Variants in BRCA1 observed in about 807,000 individuals in gnomAD.
BRCA1 encodes breast cancer type 1 susceptibility protein.
Under a neutral mutation model 173.7 loss-of-function variants are expected in BRCA1, and 140 were observed. The observed-to-expected ratio is 0.81, with a 90% CI of 0.70 to 0.93. The LOEUF is 0.93. BRCA1 is among the 40% of genes least tolerant of loss of function. The pLI is 0.00. For synonymous variants in BRCA1, 662 were observed against 756.0 expected (o/e 0.88, Z 2.04); for missense variants, 1,983 against 2,172.5 (o/e 0.91, Z 1.73).
intron 6 of BRCA1, among the ~76,000 whole-genome samples, chr17:43,103,238 G>A (rs796775652): frequency 2.0e-4 from 31 of 152,186 alleles, no homozygotes; most frequent in African/African-American, 7.2e-4. Context: ...AGGCCAAGGA[G>A]GGTGGATCAC....
intron 11 of BRCA1, among the ~76,000 whole-genome samples, chr17:43,085,783 T>G (rs1012802955): frequency 3.3e-5 from 5 of 152,208 alleles, no homozygotes; most frequent in African/African-American, 1.2e-4. Flanking sequence ...CAGCCGGAAC[T>G]GGTCTGGAGG....
chr17:43,147,974 C>A (rs1437821367), intron 1 of BRCA1, among the ~76,000 whole-genome samples: 1 of 152,208 alleles, frequency 6.6e-6, no homozygotes, highest in African/African-American at 2.4e-5. Context: ...CAGATGTGTC[C>A]TTGTTAGTTC....
At chr17:43,104,979 A>T (rs2154552831) in intron 4 of BRCA1, 23 bp from the exon 5 acceptor site, 1 of 1,578,550 alleles carries the variant, frequency 6.3e-7, no homozygotes, top group East Asian at 2.2e-5. Flanking sequence ...TGTTTGAGAA[A>T]CACACTCAGC....
intron 1 of BRCA1, among the ~76,000 whole-genome samples, chr17:43,136,044 G>C (rs1207989884): frequency 1.3e-5 from 2 of 152,212 alleles, no homozygotes; most frequent in Non-Finnish European, 2.9e-5. Context: ...TGTAATTCCA[G>C]TACTTTGGGA....
At chr17:43,105,815 C>T (rs1237899717) in intron 4 of BRCA1, among the ~76,000 whole-genome samples, 1 of 152,036 alleles carries the variant, frequency 6.6e-6, no homozygotes, top group Non-Finnish European at 1.5e-5. Context: ...AAGAGATACA[C>T]AATATATAAA....
intron 1 of BRCA1, among the ~76,000 whole-genome samples, chr17:43,146,498 C>T (rs4792979): frequency 0.3 from 45,238 of 150,840 alleles, 7,308 homozygotes; most frequent in South Asian, 0.49. Flanking sequence ...TTAGTAGAGA[C>T]GGGGTTTCAC....
At chr17:43,154,848 CAGGT>C (rs1304321182) in intron 1 of BRCA1, among the ~76,000 whole-genome samples, 3 of 150,720 alleles carry the variant, frequency 2.0e-5, no homozygotes, top group Non-Finnish European at 4.4e-5. Context: ...TAAGGGGAAA[CAGGT>C]AGTGTAATAT....
chr17:43,136,733 A>G (rs957749516), intron 1 of BRCA1, among the ~76,000 whole-genome samples: 2 of 152,218 alleles, frequency 1.3e-5, no homozygotes, highest in African/African-American at 2.4e-5. Context: ...AACCACAATG[A>G]GATACCATCT....
rs1567817738 is a variant in BRCA1 at position 43,115,672 on chromosome 17, T to C, written c.134+54A>G. 5 of 1,556,484 alleles carry C rather than the reference T, an allele frequency of 3.2e-6. No homozygotes were observed. In the East Asian group the frequency reaches 1.1e-4, roughly 35 times the overall value. On this transcript the variant is annotated intron_variant, in intron 3 of 22. Transcript: ENST00000357654. ...ATAAAGTTAGGTGTTTCCTGGGTTATGAAGGACAAAAACAAAAGCTAATAA... is the reference window on the plus strand; with the variant it reads ...ATAAAGTTAGGTGTTTCCTGGGTTACGAAGGACAAAAACAAAAGCTAATAA...
intron 20 of BRCA1, among the ~76,000 whole-genome samples, chr17:43,050,623 A>G (rs1173508643): frequency 6.6e-6 from 1 of 151,646 alleles, no homozygotes; most frequent in East Asian, 1.9e-4. Context: ...AAAAAGAAAA[A>G]AAAAAAGAAA....
At chr17:43,096,386 A>AAAAAAAAAAG (rs2154517336) in intron 8 of BRCA1, among the ~76,000 whole-genome samples, 1 of 150,850 alleles carries the variant, frequency 6.6e-6, no homozygotes, top group East Asian at 1.9e-4. Context: ...CAAAAAAAAA[A>AAAAAAAAAAG]AAAAAAAAGA....
chr17:43,094,680 T>TGTAATGA lies in BRCA1; in HGVS notation c.844_850dup (p.Gln284LeufsTer5), dbSNP rs80357989. The stretch of plus-strand genomic sequence containing the variant: ...GAGTAATAAACTGCTGTTCTCATGC[T>TGTAATGA]GTAATGAGCTGGCATGAGTATTTGT... On this transcript the variant is annotated frameshift_variant, in exon 10 of 23. Transcript: ENST00000357654. LOFTEE classifies it high-confidence loss of function. The TGTAATGA allele has an allele frequency of 6.2e-7, 1 of 1,614,018 alleles. No individual in the cohort carries two copies. The highest frequency in any genetic ancestry group is 8.5e-7 in the Non-Finnish European group (1 of 1,179,914).
intron 11 of BRCA1, among the ~76,000 whole-genome samples, chr17:43,088,015 G>A (rs985368679): frequency 3.9e-5 from 6 of 151,978 alleles, no homozygotes; most frequent in African/African-American, 1.4e-4. Flanking sequence ...CCCTCCCAAA[G>A]TGCTGGGATT....
chr17:43,124,428 A>G (rs575830513), intron 1 of BRCA1, among the ~76,000 whole-genome samples: 4 of 152,188 alleles, frequency 2.6e-5, no homozygotes, highest in East Asian at 1.9e-4. Context: ...GCTTTCTCCA[A>G]TGTTTCTGGT....
At chr17:43,079,289 G>A (rs1187077196) in intron 12 of BRCA1, 1 of 1,479,974 alleles carries the variant, frequency 6.8e-7, no homozygotes. Flanking sequence ...CCATCTTTCA[G>A]TAATTTGCCA....
chr17:43,129,855 T>C (rs150012296), upstream of BRCA1, among the ~76,000 whole-genome samples: 124 of 152,274 alleles, frequency 8.1e-4, no homozygotes, highest in African/African-American at 2.9e-3. Context: ...ATTTTCCTGA[T>C]TTTTTGCCTA....
upstream of BRCA1, among the ~76,000 whole-genome samples, chr17:43,127,595 C>T (rs2055922134): frequency 6.6e-6 from 1 of 152,154 alleles, no homozygotes; most frequent in African/African-American, 2.4e-5. Context: ...TGTAAATGCA[C>T]CAATCAGCAC....
At position 43,044,550 on chromosome 17, in the gene BRCA1, G is replaced by A; in HGVS notation, c.*1128C>T. ...AAGGAAAAAAATCACCTCAAAGAAA[G>A]CAACAGCTTCCTTCCTGGTGGGATC... On this transcript the variant is annotated 3_prime_UTR_variant, in exon 23 of 23. Transcript: ENST00000357654. 2 of 505,992 alleles carry A rather than the reference G, an allele frequency of 4.0e-6. No homozygotes were observed. 31.3% of individuals were successfully genotyped at this position (505,992 alleles called of 1,614,324 possible).
At chr17:43,095,780 A>G in intron 9 of BRCA1, 66 bp downstream of exon 9, 1 of 1,302,420 alleles carries the variant, frequency 7.7e-7, no homozygotes. Context: ...AGAATAATCT[A>G]ATTACAGTAC....
Sources: gnomAD v4.1 joint callset for allele counts (sites outside exome capture counted in the v4.1 genomes callset) on GRCh38, gnomAD v4.1.1 for gene constraint, MANE v1.5 for transcripts, NCBI Gene and HGNC (gene_info 2026-07-23, HGNC 2026-07-21) for gene names.